Variants in PYY observed in about 807,000 individuals in gnomAD.
The protein encoded by PYY is peptide tyrosine tyrosine.
In PYY, 12 loss-of-function variants were observed where a neutral mutation model predicts 10.3. The ratio of observed to expected loss-of-function variants is 1.17; its 90% confidence interval spans 0.75 to 1.89. The LOEUF is 1.89. Among genes scored for constraint, PYY ranks in the 40% most tolerant of loss-of-function variants. PYY has a pLI of 0.00. For missense variants in PYY, 141 were observed against 134.0 expected, an observed-to-expected ratio of 1.05 and a Z score of -0.26; for synonymous variants, 66 against 62.0, an observed-to-expected ratio of 1.06 and a Z score of -0.30.
At chr17:43,972,889 AT>A (rs2048804835) in intron 1 of PYY, among the ~76,000 whole-genome samples, 1 of 151,022 alleles carries the variant, frequency 6.6e-6, no homozygotes, top group East Asian at 2.0e-4. Context: ...TAATTTTTGT[AT>A]TTTTAGTAGA....
chr17:43,988,525 C>A (rs2048929558), intron 1 of PYY, among the ~76,000 whole-genome samples: 1 of 152,088 alleles, frequency 6.6e-6, no homozygotes, highest in Non-Finnish European at 1.5e-5. Context: ...TGACTGCCAC[C>A]CTGAGCACTC....
chr17:43,990,214 G>C (rs1381131506), intron 1 of PYY, among the ~76,000 whole-genome samples: 1 of 151,736 alleles, frequency 6.6e-6, no homozygotes, highest in African/African-American at 2.4e-5. Flanking sequence ...GAGGCGGGCA[G>C]ATCACTTGAG....
chr17:43,994,849 G>C (rs2048980733), intron 1 of PYY, among the ~76,000 whole-genome samples: 1 of 152,204 alleles, frequency 6.6e-6, no homozygotes, highest in South Asian at 2.1e-4. Flanking sequence ...ACGGGAGGGC[G>C]CTGGCTGGGG....
At chr17:43,968,849 T>A (rs1204391727) in intron 1 of PYY, among the ~76,000 whole-genome samples, 1 of 151,004 alleles carries the variant, frequency 6.6e-6, no homozygotes, top group African/African-American at 2.4e-5. Flanking sequence ...GGCTCAAGCC[T>A]GTAATCCCAG....
chr17:43,977,491 C>T (rs1043301005), intron 1 of PYY, among the ~76,000 whole-genome samples: 9 of 152,134 alleles, frequency 5.9e-5, no homozygotes, highest in African/African-American at 1.4e-4. Flanking sequence ...GCTGGGAACA[C>T]GCTGCAGGTG....
At chr17:43,983,374 G>A (rs2048895418) in intron 1 of PYY, among the ~76,000 whole-genome samples, 1 of 152,348 alleles carries the variant, frequency 6.6e-6, no homozygotes, top group South Asian at 2.1e-4. Context: ...CCCTCCAGTG[G>A]CTCTCCTACC....
intron 1 of PYY, among the ~76,000 whole-genome samples, chr17:43,994,398 A>T (rs1481135308): frequency 6.6e-6 from 1 of 151,994 alleles, no homozygotes; most frequent in Non-Finnish European, 1.5e-5. Context: ...CCCCACTCAC[A>T]GTAACAGTCA....
At chr17:43,991,944 C>T (rs2048959582) in intron 1 of PYY, among the ~76,000 whole-genome samples, 1 of 151,102 alleles carries the variant, frequency 6.6e-6, no homozygotes, top group East Asian at 2.0e-4. Flanking sequence ...CACGGTGAAA[C>T]CCCGTCTGTA....
intron 1 of PYY, among the ~76,000 whole-genome samples, chr17:43,974,619 A>T (rs2543103): frequency 1.3e-5 from 2 of 152,162 alleles, no homozygotes; most frequent in African/African-American, 2.4e-5. Flanking sequence ...TGCCAGCTCA[A>T]TGTAAGCACC....
upstream of PYY, among the ~76,000 whole-genome samples, chr17:43,954,181 C>G (rs1359798905): frequency 6.6e-6 from 1 of 152,292 alleles, no homozygotes; most frequent in South Asian, 2.1e-4. Context: ...CCCATGTTCA[C>G]CCCACAGCCC....
intron 1 of PYY, among the ~76,000 whole-genome samples, chr17:43,984,701 A>G (rs1016701875): frequency 6.6e-6 from 1 of 152,242 alleles, no homozygotes; most frequent in East Asian, 1.9e-4. Context: ...AAAGGGACGC[A>G]GCCTGGAAGG....
intron 1 of PYY, among the ~76,000 whole-genome samples, chr17:43,970,833 T>C (rs1028454791): frequency 1.3e-5 from 2 of 152,242 alleles, no homozygotes; most frequent in African/African-American, 2.4e-5. Flanking sequence ...ATGTGACTTA[T>C]TGAGACAGGC....
chr17:43,972,290 T>C (rs2048800016), intron 1 of PYY, among the ~76,000 whole-genome samples: 2 of 151,536 alleles, frequency 1.3e-5, no homozygotes, highest in South Asian at 4.2e-4. Context: ...CTTGGCCTGC[T>C]GCAACCTCCA....
chr17:44,000,004 C>A (rs1297099750), intron 1 of PYY, among the ~76,000 whole-genome samples: 10 of 152,062 alleles, frequency 6.6e-5, no homozygotes, highest in Admixed American at 6.6e-4. Flanking sequence ...TTTCCGAGAG[C>A]TTCCTTTTTC....
chr17:44,003,611 C>A (rs1410072932), intron 1 of PYY, among the ~76,000 whole-genome samples: 1 of 140,264 alleles, frequency 7.1e-6, no homozygotes, highest in African/African-American at 2.7e-5. Context: ...GCCGAGATCG[C>A]AACACTGCAC....
At chr17:43,985,003 A>G (rs2048907136) in intron 1 of PYY, among the ~76,000 whole-genome samples, 1 of 152,216 alleles carries the variant, frequency 6.6e-6, no homozygotes, top group Admixed American at 6.5e-5. Context: ...CAAAAGAAAT[A>G]TAAAGGAAAG....
rs569730154 is a variant in PYY at position 43,996,822 on chromosome 17, G to A, written c.-463+7569C>T. ...CCCACCTCAGCCACCCGAGTAGCTG[G>A]AACTACAGGCGCACACCACCACGCC... On this transcript the variant is annotated intron_variant, in intron 1 of 6. Coordinates refer to the PYY transcript ENST00000360085. Among the ~76,000 whole-genome samples, 4 of 152,096 alleles carry A rather than the reference G, an allele frequency of 2.6e-5. No individual in the cohort carries two copies. The South Asian group carries it at 8.3e-4, about 32-fold the overall frequency.
intron 1 of PYY, among the ~76,000 whole-genome samples, chr17:43,996,246 G>A (rs938256504): frequency 6.6e-6 from 1 of 152,138 alleles, no homozygotes; most frequent in Non-Finnish European, 1.5e-5. Flanking sequence ...AGCCTGCCCA[G>A]AGAGACCACT....
At chr17:43,964,513 G>A (rs2048740856) in intron 2 of PYY, among the ~76,000 whole-genome samples, 1 of 152,232 alleles carries the variant, frequency 6.6e-6, no homozygotes, top group Admixed American at 6.5e-5. Context: ...CACTTTGGGA[G>A]GCCAAGGCAG....
Sources: gnomAD v4.1 joint callset for allele counts (sites outside exome capture counted in the v4.1 genomes callset) on GRCh38, gnomAD v4.1.1 for gene constraint, MANE v1.5 for transcripts, NCBI Gene and HGNC (gene_info 2026-07-23, HGNC 2026-07-21) for gene names.